ESRRG: variants seen among roughly 807,000 people sequenced by gnomAD.
ESRRG encodes estrogen-related receptor gamma.
Under a neutral mutation model 44.0 loss-of-function variants are expected in ESRRG, and 13 were observed. The observed-to-expected ratio is 0.30, with a 90% confidence interval of 0.19 to 0.47. The LOEUF is 0.47. Ranked by LOEUF, ESRRG falls within the 20% of genes least tolerant of loss-of-function variation. ESRRG has a pLI of 1.00. For missense variants in ESRRG, 395 were observed against 580.6 expected (o/e 0.68, Z 3.29); for synonymous variants, 215 against 214.6 (o/e 1.00, Z -0.02).
At chr1:217,068,555 G>A (rs1462027261) in intron 1 of ESRRG, among the ~76,000 whole-genome samples, 1 of 151,998 alleles carries the variant, frequency 6.6e-6, no homozygotes, top group Non-Finnish European at 1.5e-5. Flanking sequence ...CTCTGAACAA[G>A]CCACATAATC....
chr1:216,668,555 T>C (rs1021035983), intron 2 of ESRRG, among the ~76,000 whole-genome samples: 1 of 152,238 alleles, frequency 6.6e-6, no homozygotes. Flanking sequence ...TACATTTTAT[T>C]CTATTTTTCT....
chr1:216,937,939 T>C (rs973207309), intron 2 of ESRRG, among the ~76,000 whole-genome samples: 2 of 151,794 alleles, frequency 1.3e-5, no homozygotes, highest in Non-Finnish European at 2.9e-5. Flanking sequence ...CTTTACGTAC[T>C]CTGGAGGTGA....
At chr1:216,616,430 C>T (rs1027062700) in intron 3 of ESRRG, among the ~76,000 whole-genome samples, 1 of 152,146 alleles carries the variant, frequency 6.6e-6, no homozygotes, top group Non-Finnish European at 1.5e-5. Context: ...ACAAGCGTGT[C>T]TGATTAAAAA....
At chr1:216,509,570 T>A (rs949952340) in intron 6 of ESRRG, among the ~76,000 whole-genome samples, 1 of 152,126 alleles carries the variant, frequency 6.6e-6, no homozygotes, top group Non-Finnish European at 1.5e-5. Flanking sequence ...AGATATATTA[T>A]AGGATGTCAT....
chr1:216,867,834 T>G (rs1297824454), intron 2 of ESRRG, among the ~76,000 whole-genome samples: 1 of 151,998 alleles, frequency 6.6e-6, no homozygotes, highest in African/African-American at 2.4e-5. Context: ...CATGAATAGG[T>G]TAATGTAAAT....
chr1:216,891,807 T>TTTTTTTTTTTTTTTTTTC, intron 2 of ESRRG, among the ~76,000 whole-genome samples: 1 of 148,428 alleles, frequency 6.7e-6, no homozygotes. Flanking sequence ...TTTTTTTTTT[T>TTTTTTTTTTTTTTTTTTC]TTTTTTTTTT....
At chr1:216,614,771 A>G (rs2061183850) in intron 3 of ESRRG, among the ~76,000 whole-genome samples, 1 of 152,214 alleles carries the variant, frequency 6.6e-6, no homozygotes, top group African/African-American at 2.4e-5. Flanking sequence ...GACTCATGAA[A>G]CATATTTATA....
intron 1 of ESRRG, among the ~76,000 whole-genome samples, chr1:217,052,305 C>G (rs2086205405): frequency 6.6e-6 from 1 of 152,122 alleles, no homozygotes; most frequent in Admixed American, 6.6e-5. Context: ...TGATTCAAAA[C>G]AGATCAACTT....
chr1:216,915,691 G>A (rs1488229063), intron 2 of ESRRG, among the ~76,000 whole-genome samples: 1 of 152,230 alleles, frequency 6.6e-6, no homozygotes, highest in African/African-American at 2.4e-5. Context: ...ATCTACTGAA[G>A]ACAGTCTCCC....
intron 1 of ESRRG, among the ~76,000 whole-genome samples, chr1:217,014,646 C>T (rs1034341681): frequency 3.9e-5 from 6 of 152,118 alleles, no homozygotes; most frequent in Non-Finnish European, 7.4e-5. Context: ...TGGACTTGGG[C>T]GACCTATAAG....
At position 216,779,046 on chromosome 1, in the gene ESRRG, C is replaced by T. The variant is rs116047695; in HGVS notation, c.-13-101555G>A. 7.5e-3 allele frequency among the ~76,000 whole-genome samples: 1,072 copies of T among 143,112 alleles called. 6 individuals carry two copies. Among genetic ancestry groups the T allele is most frequent in the Non-Finnish European group, 0.012 (824 of 66,744 alleles). 93.9% of individuals were successfully genotyped at this position (143,112 alleles called of 152,430 possible). On this transcript the variant is annotated intron_variant, in intron 2 of 7. Transcript: ENST00000359162. ...CAGAGCTGAACTGTAAAGATCCCTT[C>T]CTTAGTGGTTATTCATATTGTTTTC...
chr1:216,564,928 A>G (rs2149551870), intron 4 of ESRRG, among the ~76,000 whole-genome samples: 1 of 152,192 alleles, frequency 6.6e-6, no homozygotes, highest in East Asian at 1.9e-4. Flanking sequence ...ATATAACTCT[A>G]TCTCCGTGGG....
intron 3 of ESRRG, among the ~76,000 whole-genome samples, chr1:216,599,778 G>A (rs2058945913): frequency 6.6e-6 from 1 of 151,712 alleles, no homozygotes; most frequent in Non-Finnish European, 1.5e-5. Context: ...AATCTGGCTC[G>A]GGCCTGCTGC....
At chr1:216,568,262 T>C (rs948083908) in intron 3 of ESRRG, among the ~76,000 whole-genome samples, 164 bp from the exon 4 acceptor site, 3 of 152,216 alleles carry the variant, frequency 2.0e-5, no homozygotes, top group Admixed American at 1.3e-4. Context: ...TAAATCAAAC[T>C]TGCCAGAGGT....
intron 2 of ESRRG, among the ~76,000 whole-genome samples, chr1:216,732,629 G>C (rs1342827144): frequency 6.6e-6 from 1 of 151,844 alleles, no homozygotes; most frequent in African/African-American, 2.4e-5. Context: ...TGCCCTACTA[G>C]TGAAAATGTA....
intron 3 of ESRRG, among the ~76,000 whole-genome samples, chr1:216,647,570 A>G (rs1490132399): frequency 6.6e-6 from 1 of 152,200 alleles, no homozygotes; most frequent in African/African-American, 2.4e-5. Context: ...ATGAGAAAGC[A>G]TATCTTATAA....
Position 216,568,097 on chromosome 1 carries a change from C to T in ESRRG, c.591G>A (p.Gly197=), listed in dbSNP as rs777149329. 3 of 1,610,178 alleles carry T rather than the reference C, an allele frequency of 1.9e-6. No individual in the cohort carries two copies. The highest frequency in any genetic ancestry group is 2.5e-6 in the Non-Finnish European group (3 of 1,176,602). The change falls in exon 4 of 7, where the codon GGG becomes GGA. Residue 197 remains glycine, a splice_region_variant and synonymous_variant. Coordinates refer to ENST00000408911, the MANE Select transcript of ESRRG (RefSeq NM_001438.4). ...KCLKVGMLKE[G]VRLDRVRGGR... ...CTCCACGTACTCTGTCAAGACGCAC[C>T]CCTGTGAGCAAAGACAGGCACCGGC...
intron 1 of ESRRG, among the ~76,000 whole-genome samples, chr1:217,086,893 C>T (rs150566247): frequency 3.3e-5 from 5 of 151,312 alleles, no homozygotes; most frequent in African/African-American, 1.2e-4. Flanking sequence ...ATTTGTTTTG[C>T]ATCTAACAGA....
chr1:217,082,771 A>T (rs761282920), intron 1 of ESRRG, among the ~76,000 whole-genome samples: 1 of 151,636 alleles, frequency 6.6e-6, no homozygotes, highest in African/African-American at 2.4e-5. Context: ...TTCTATCTCC[A>T]TTTTTCCTCA....
Sources: gnomAD v4.1 joint callset for allele counts (sites outside exome capture counted in the v4.1 genomes callset) on GRCh38, gnomAD v4.1.1 for gene constraint, MANE v1.5 for transcripts, NCBI Gene and HGNC (gene_info 2026-07-23, HGNC 2026-07-21) for gene names.